Variants in CNTNAP2 observed in about 807,000 individuals in gnomAD.
The protein encoded by CNTNAP2 is contactin-associated protein-like 2.
In CNTNAP2, 98 loss-of-function variants were observed where a neutral mutation model predicts 155.2. The observed-to-expected ratio is 0.63, with a 90% CI of 0.54 to 0.75. The LOEUF (loss-of-function observed/expected upper bound fraction) is 0.75. CNTNAP2 is among the 30% of genes least tolerant of loss of function. The pLI is 0.00. For synonymous variants in CNTNAP2, 651 were observed against 631.2 expected (o/e 1.03, Z -0.47); for missense variants, 1,727 against 1,688.1 (o/e 1.02, Z -0.40).
At chr7:146,767,185 A>G (rs895012878) in intron 1 of CNTNAP2, among the ~76,000 whole-genome samples, 2 of 152,164 alleles carry the variant, frequency 1.3e-5, no homozygotes, top group Non-Finnish European at 2.9e-5. Flanking sequence ...TTCTCAATGC[A>G]ATTTTATGAC....
intron 4 of CNTNAP2, among the ~76,000 whole-genome samples, chr7:147,100,151 G>A (rs1800625606): frequency 1.3e-5 from 2 of 152,070 alleles, no homozygotes; most frequent in Non-Finnish European, 2.9e-5. Flanking sequence ...GGGTGTATGT[G>A]TGTGTGAATG....
At chr7:146,952,781 A>C (rs1442705828) in intron 3 of CNTNAP2, among the ~76,000 whole-genome samples, 3 of 152,106 alleles carry the variant, frequency 2.0e-5, no homozygotes, top group Non-Finnish European at 4.4e-5. Context: ...ATAAGAAAGG[A>C]CTTTTCTTAC....
chr7:146,500,616 A>G (rs916360450), intron 1 of CNTNAP2, among the ~76,000 whole-genome samples: 1 of 152,168 alleles, frequency 6.6e-6, no homozygotes, highest in African/African-American at 2.4e-5. Flanking sequence ...CAACAGGGTC[A>G]ATTTCTATGT....
At chr7:146,502,325 T>C (rs1218684034) in intron 1 of CNTNAP2, among the ~76,000 whole-genome samples, 2 of 148,930 alleles carry the variant, frequency 1.3e-5, no homozygotes, top group Non-Finnish European at 3.0e-5. Flanking sequence ...TTTTGGCTAT[T>C]GTGAATAGTG....
chr7:147,281,689 A>G (rs1256911358), intron 8 of CNTNAP2, among the ~76,000 whole-genome samples: 1 of 151,880 alleles, frequency 6.6e-6, no homozygotes, highest in African/African-American at 2.4e-5. Context: ...GAATATATTC[A>G]TAAGATGAAT....
intron 20 of CNTNAP2, among the ~76,000 whole-genome samples, chr7:148,230,386 T>C (rs371082150): frequency 6.6e-4 from 100 of 152,286 alleles, no homozygotes; most frequent in African/African-American, 2.2e-3. Context: ...AGAAACCAGC[T>C]TGGGAAACAC....
chr7:147,630,228 C>A (rs1795059760), intron 12 of CNTNAP2, among the ~76,000 whole-genome samples: 1 of 147,246 alleles, frequency 6.8e-6, no homozygotes, highest in South Asian at 2.2e-4. Flanking sequence ...GGATAAATTC[C>A]TGGAAATATA....
chr7:148,061,441 C>A (rs1255939371), intron 15 of CNTNAP2, among the ~76,000 whole-genome samples: 2 of 152,086 alleles, frequency 1.3e-5, no homozygotes, highest in Non-Finnish European at 2.9e-5. Flanking sequence ...GCAACCTCCA[C>A]CTCCCAGGTT....
intron 1 of CNTNAP2, among the ~76,000 whole-genome samples, chr7:146,594,683 G>A (rs1397685537): frequency 6.6e-6 from 1 of 151,972 alleles, no homozygotes; most frequent in Non-Finnish European, 1.5e-5. Flanking sequence ...TGGTGGTTCC[G>A]AGATGCTTTA....
chr7:147,974,071 A>C (rs531048121), intron 14 of CNTNAP2, among the ~76,000 whole-genome samples: 21 of 147,438 alleles, frequency 1.4e-4, no homozygotes, highest in Non-Finnish European at 3.0e-5. Context: ...TTAGTATTAA[A>C]AATTTTTTTA....
intron 13 of CNTNAP2, among the ~76,000 whole-genome samples, chr7:147,739,123 T>A (rs1027462581): frequency 1.3e-5 from 2 of 151,222 alleles, no homozygotes; most frequent in African/African-American, 4.9e-5. Flanking sequence ...CTCCTGCAAG[T>A]CATTTTGTCT....
intron 21 of CNTNAP2, among the ~76,000 whole-genome samples, chr7:148,317,367 AT>A (rs1010324572): frequency 3.0e-4 from 46 of 151,450 alleles, no homozygotes; most frequent in African/African-American, 1.0e-3. Context: ...AAAAAAAAAA[AT>A]TCATGGTATT....
intron 15 of CNTNAP2, among the ~76,000 whole-genome samples, chr7:148,017,629 G>C (rs1802203302): frequency 6.6e-6 from 1 of 152,140 alleles, no homozygotes; most frequent in Admixed American, 6.5e-5. Flanking sequence ...TTGGTAAGTA[G>C]TGTCTGACTG....
intron 8 of CNTNAP2, among the ~76,000 whole-genome samples, chr7:147,233,625 C>T (rs184594798): frequency 8.0e-5 from 12 of 150,496 alleles, no homozygotes; most frequent in African/African-American, 2.7e-4. Context: ...AGACAGTTGA[C>T]TACTGGTCAC....
chr7:147,446,014 ACT>A (rs10541981), intron 10 of CNTNAP2, among the ~76,000 whole-genome samples: 2,904 of 151,958 alleles, frequency 0.019, 105 homozygotes, highest in African/African-American at 0.066. Flanking sequence ...GGATCTGAAG[ACT>A]CTGATAAATC....
At chr7:147,425,794 T>C (rs1199397589) in intron 10 of CNTNAP2, among the ~76,000 whole-genome samples, 1 of 152,190 alleles carries the variant, frequency 6.6e-6, no homozygotes, top group East Asian at 1.9e-4. Context: ...ATTTTCCTAT[T>C]GATTTGATCA....
In CNTNAP2 at chr7:147,225,973, GAGAA is replaced by G. The variant is rs766901565; in HGVS notation, c.1349-74160_1349-74157del. On this transcript the variant is annotated intron_variant, in intron 8 of 23. Coordinates refer to ENST00000361727, the MANE Select transcript of CNTNAP2 (RefSeq NM_014141.6). Reference sequence around the variant, plus strand: ...GAAGAAAGAGAGAAAGGAAGAAAGAGAGAAAGAAAGAGAGAAAGAAAGAAAGAAA... The same window carrying G: ...GAAGAAAGAGAGAAAGGAAGAAAGAGAGAAAGAGAGAAAGAAAGAAAGAAA... Among the ~76,000 whole-genome samples the G allele has an allele frequency of 4.0e-4, 61 of 150,746 alleles. No homozygotes were observed. The South Asian group carries it at 7.1e-3, about 18-fold the overall frequency.
chr7:147,495,791 T>A (rs1226722216), intron 11 of CNTNAP2, among the ~76,000 whole-genome samples: 1 of 152,008 alleles, frequency 6.6e-6, no homozygotes, highest in Non-Finnish European at 1.5e-5. Flanking sequence ...AGAACAGGAG[T>A]CCCCAATCCC....
intron 1 of CNTNAP2, among the ~76,000 whole-genome samples, chr7:146,532,092 G>C (rs1400196262): frequency 1.3e-5 from 2 of 151,650 alleles, no homozygotes; most frequent in East Asian, 3.9e-4. Flanking sequence ...ATTTAAAGAA[G>C]TAATACAATA....
Sources: allele counts gnomAD v4.1 joint callset (sites outside exome capture counted in the v4.1 genomes callset), GRCh38; gene constraint gnomAD v4.1.1; transcripts MANE v1.5; gene names NCBI Gene and HGNC (gene_info 2026-07-23, HGNC 2026-07-21).